DLC1: variants seen among roughly 807,000 people sequenced by gnomAD.
DLC1 encodes DLC1 Rho GTPase activating protein.
DLC1 carries 54 observed loss-of-function variants against 140.3 expected under a neutral mutation model. The ratio of observed to expected loss-of-function variants is 0.38; its 90% CI spans 0.31 to 0.48. The LOEUF is 0.48. Ranked by LOEUF, DLC1 falls within the 20% of genes least tolerant of loss-of-function variation. The pLI, the probability that DLC1 is intolerant of heterozygous loss-of-function variation, is 0.96. For missense variants in DLC1, 2,536 were observed against 1,907.0 expected (o/e 1.33, Z -6.14); for synonymous variants, 986 against 728.1 (o/e 1.35, Z -5.70).
intron 5 of DLC1, chr8:13,133,134 G>A: frequency 1.4e-6 from 2 of 1,452,926 alleles, no homozygotes; most frequent in Non-Finnish European, 1.8e-6. Flanking sequence ...CCTCGTCACG[G>A]CCCCAGAAAG....
At chr8:13,124,657 T>C (rs184638710) in intron 5 of DLC1, among the ~76,000 whole-genome samples, 27 of 152,330 alleles carry the variant, frequency 1.8e-4, no homozygotes, top group Admixed American at 1.4e-3. Flanking sequence ...CCTAGATAGG[T>C]GGCCTTAAGA....
At chr8:13,565,859 C>T (rs533233878) in intron 1 of DLC1, among the ~76,000 whole-genome samples, 1 of 152,296 alleles carries the variant, frequency 6.6e-6, no homozygotes, top group African/African-American at 2.4e-5. Context: ...TAAAACTCTA[C>T]TGTGTTTTTT....
chr8:13,290,450 A>C (rs1039787458), intron 5 of DLC1, among the ~76,000 whole-genome samples: 20 of 152,342 alleles, frequency 1.3e-4, no homozygotes, highest in African/African-American at 4.3e-4. Context: ...GCATTAAAGG[A>C]TATGCCTTTT....
intron 2 of DLC1, among the ~76,000 whole-genome samples, chr8:13,477,669 A>C (rs1800497171): frequency 2.0e-5 from 3 of 152,208 alleles, no homozygotes; most frequent in Admixed American, 2.0e-4. Context: ...ATCCAGAGAG[A>C]TGGCAAACAA....
At chr8:13,603,367 T>G (rs1274579752) in intron 1 of DLC1, among the ~76,000 whole-genome samples, 6 of 151,676 alleles carry the variant, frequency 4.0e-5, no homozygotes, top group Admixed American at 2.6e-4. Flanking sequence ...TAGACAGAGT[T>G]TGATTAATGG....
chr8:13,481,366 G>T (rs1384166783), intron 2 of DLC1, among the ~76,000 whole-genome samples: 6 of 152,214 alleles, frequency 3.9e-5, no homozygotes, highest in Admixed American at 3.9e-4. Context: ...AGTTGAGGCT[G>T]CAGTGAGCCA....
intron 2 of DLC1, among the ~76,000 whole-genome samples, chr8:13,474,911 C>T (rs1362138689): frequency 6.6e-6 from 1 of 152,168 alleles, no homozygotes; most frequent in Admixed American, 6.5e-5. Context: ...AAGGCACTTG[C>T]CTTGTCTCAG....
At chr8:13,462,722 G>C (rs1307796575) in intron 2 of DLC1, among the ~76,000 whole-genome samples, 1 of 151,862 alleles carries the variant, frequency 6.6e-6, no homozygotes, top group African/African-American at 2.4e-5. Context: ...TCTTATTCTT[G>C]GTAAATTGTT....
intron 5 of DLC1, among the ~76,000 whole-genome samples, chr8:13,151,282 CA>C (rs768206774): frequency 1.3e-4 from 20 of 152,318 alleles, no homozygotes; most frequent in Non-Finnish European, 1.9e-4. Flanking sequence ...GAATTTTCAG[CA>C]TAATGATAAT....
At chr8:13,095,892 T>C (rs1818459953) in intron 10 of DLC1, 1 of 152,108 alleles carries the variant, frequency 6.6e-6, no homozygotes. Flanking sequence ...GAAGTCAAAA[T>C]AAAATCTGCT....
At chr8:13,540,861 T>A (rs916377547) in intron 1 of DLC1, among the ~76,000 whole-genome samples, 8 of 152,280 alleles carry the variant, frequency 5.3e-5, no homozygotes, top group African/African-American at 1.9e-4. Flanking sequence ...GAACAGGAGT[T>A]CAGATTGTCC....
intron 5 of DLC1, among the ~76,000 whole-genome samples, chr8:13,169,392 A>T (rs1825309607): frequency 6.6e-6 from 1 of 152,232 alleles, no homozygotes; most frequent in Non-Finnish European, 1.5e-5. Flanking sequence ...TTTTTGTAAA[A>T]TGGGGAAATA....
intron 1 of DLC1, among the ~76,000 whole-genome samples, chr8:13,575,244 T>C (rs1804797833): frequency 6.6e-6 from 1 of 152,158 alleles, no homozygotes; most frequent in African/African-American, 2.4e-5. Context: ...AAATTTGTTG[T>C]AGTCATCCCA....
At chr8:13,455,776 C>G (rs1164817641) in intron 2 of DLC1, among the ~76,000 whole-genome samples, 1 of 152,092 alleles carries the variant, frequency 6.6e-6, no homozygotes, top group Non-Finnish European at 1.5e-5. Flanking sequence ...TTTGAGAGGC[C>G]AAGGCTGGAG....
chr8:13,263,422 T>A (rs1174095884), intron 5 of DLC1, among the ~76,000 whole-genome samples: 1 of 152,128 alleles, frequency 6.6e-6, no homozygotes, highest in African/African-American at 2.4e-5. Flanking sequence ...TTAGTTACAT[T>A]TTAGCTTGAT....
rs1318684765 is a variant in DLC1, at chr8:13,440,762, A to G, written c.1024-39143T>C. Among the ~76,000 whole-genome samples the G allele has an allele frequency of 2.6e-5, 4 of 152,120 alleles. 1 individual carries two copies. The highest frequency in any genetic ancestry group is 5.9e-5 in the Non-Finnish European group (4 of 68,030). On this transcript the variant is annotated intron_variant, in intron 2 of 17. Transcript: ENST00000276297. ...CTTGTGAAAGTGAATAAGTCTCACG[A>G]GATCTGAAGGGTTTATCAGGGGATT...
intron 4 of DLC1, among the ~76,000 whole-genome samples, chr8:13,347,461 G>C (rs1256650995): frequency 3.9e-5 from 6 of 152,176 alleles, no homozygotes; most frequent in African/African-American, 1.2e-4. Flanking sequence ...TGGTGTCGGG[G>C]ATGGGGCATG....
chr8:13,453,438 G>GTGTATATATATGTA (rs1799208097), intron 2 of DLC1, among the ~76,000 whole-genome samples: 5 of 16,758 alleles, frequency 3.0e-4, no homozygotes, highest in African/African-American at 1.8e-3. Context: ...ATATATATAT[G>GTGTATATATATGTA]TATATATATA....
intron 2 of DLC1, 52 bp from the exon 3 acceptor site, chr8:13,401,671 G>C: frequency 6.3e-7 from 1 of 1,574,938 alleles, no homozygotes; most frequent in Non-Finnish European, 8.6e-7. Flanking sequence ...TTCTTAATAA[G>C]AATAAAAAGT....
Sources: gnomAD v4.1 joint callset for allele counts (sites outside exome capture counted in the v4.1 genomes callset) on GRCh38, gnomAD v4.1.1 for gene constraint, MANE v1.5 for transcripts, NCBI Gene and HGNC (gene_info 2026-07-23, HGNC 2026-07-21) for gene names.